MAZ: variants seen among roughly 807,000 people sequenced by gnomAD.
MAZ encodes MYC associated zinc finger protein.
In MAZ, 4 loss-of-function variants were observed where a neutral mutation model predicts 32.7. The observed-to-expected ratio is 0.12, with a 90% CI of 0.06 to 0.28. MAZ has a LOEUF of 0.28. MAZ is among the 10% of genes least tolerant of loss of function. The pLI is 1.00. For synonymous variants in MAZ, 510 were observed against 297.6 expected (o/e 1.71, Z -7.35); for missense variants, 763 against 667.2 (o/e 1.14, Z -1.58).
rs1899695588 is a variant in MAZ, at chr16:29,808,559, C to T, written c.1108-11C>T. On this transcript the variant is annotated splice_polypyrimidine_tract_variant and intron_variant, in intron 3 of 4. Coordinates refer to ENST00000322945, the MANE Select transcript of MAZ (RefSeq NM_002383.4). ...CCTGTGACACCCCCCACGCCCCTCC[C>T]CCCTCCTCAGAAATGTGAGGCAGCT... 3.7e-6 allele frequency: 6 copies of T among 1,602,242 alleles called. No homozygotes were observed. In the East Asian group the frequency reaches 6.7e-5, roughly 18 times the overall value.
In MAZ at chr16:29,810,364, A is replaced by G. The variant is rs1333246765; in HGVS notation, c.*133A>G. The G allele has an allele frequency of 6.2e-6, 6 of 968,308 alleles. No individual in the cohort carries two copies. The highest frequency in any genetic ancestry group is 9.6e-6 in the Non-Finnish European group (6 of 626,222). The allele number at this position is 968,308 out of a possible 1,614,324, so 60.0% of individuals were successfully genotyped here. ...AGCCTCCAGAAGGAAAGGAGGAAGAAATGTTTTCTTAGGGGAATTCGCTAG... is the reference window on the plus strand; with the variant it reads ...AGCCTCCAGAAGGAAAGGAGGAAGAGATGTTTTCTTAGGGGAATTCGCTAG... On this transcript the variant is annotated 3_prime_UTR_variant, in exon 5 of 5. Coordinates refer to ENST00000322945, the MANE Select transcript of MAZ (RefSeq NM_002383.4).
chr16:29,809,800 G>A, intron 4 of MAZ: 7 of 1,159,122 alleles, frequency 6.0e-6, no homozygotes, highest in Non-Finnish European at 8.2e-6. Context: ...GCGGGATGGG[G>A]GGTGTGGGGG....
At chr16:29,806,151 C>T, upstream of MAZ, 1 of 1,272,302 alleles carries the variant, frequency 7.9e-7, no homozygotes, top group Non-Finnish European at 1.0e-6. Context: ...CGCCATGGAT[C>T]CCAGCAACTG....
At chr16:29,808,420 C>G (rs1488145503) in intron 3 of MAZ, 127 bp downstream of exon 3, 2 of 1,074,004 alleles carry the variant, frequency 1.9e-6, no homozygotes, top group Non-Finnish European at 2.8e-6. Flanking sequence ...TTTTCTCATC[C>G]CTTCTTCAAG....
At position 29,807,575 on chromosome 16, in the gene MAZ, G is replaced by A. The variant is rs1379848933; in HGVS notation, c.790G>A (p.Gly264Ser). The A allele has an allele frequency of 1.2e-6, 2 of 1,609,414 alleles. No homozygotes were observed. Among genetic ancestry groups the A allele is most frequent in the Non-Finnish European group, 8.5e-7 (1 of 1,178,280 alleles). Reference sequence around the variant, plus strand: ...CGGCGCTGCCGCAGTGGCCGCCGGTGGCGTGGTGACCACGACCGCCTCGGG... The same window carrying A: ...CGGCGCTGCCGCAGTGGCCGCCGGTAGCGTGGTGACCACGACCGCCTCGGG... ...GGGAAAVAAG[G>S]VVTTTASGKR... Residue 264 changes from glycine to serine, a missense_variant, in exon 2 of 5, where the codon GGC becomes AGC. Physicochemically the swap from Gly to Ser is moderately conservative, Grantham distance 56. Coordinates refer to ENST00000322945, the MANE Select transcript of MAZ (RefSeq NM_002383.4).
intron 4 of MAZ, chr16:29,809,127 A>C: frequency 2.0e-6 from 1 of 509,924 alleles, no homozygotes. Flanking sequence ...CTTTACCAGC[A>C]CGCACCCTGC....
In MAZ at chr16:29,810,640, G is replaced by A. The variant is rs1011114388; in HGVS notation, c.*409G>A. ...CCCCTGCTGTCTGCAGCCCCTCCCC[G>A]GGGAGTTGGTGCTTTCTTTTCCTTT... On this transcript the variant is annotated 3_prime_UTR_variant, in exon 5 of 5. Transcript: ENST00000322945. 1.8e-5 allele frequency: 11 copies of A among 607,504 alleles called. No homozygotes were observed. Among genetic ancestry groups the A allele is most frequent in the South Asian group, 3.5e-5 (2 of 56,420 alleles). The allele number at this position is 607,504 out of a possible 1,614,324, so 37.6% of individuals were successfully genotyped here.
chr16:29,807,179 GCGCCCCCTC>G lies in MAZ; in HGVS notation c.399_407del (p.Pro137_Pro139del), dbSNP rs762705565. On this transcript the variant is annotated inframe_deletion, in exon 2 of 5. Coordinates refer to ENST00000322945, the MANE Select transcript of MAZ (RefSeq NM_002383.4). ...CACAGCGGCCCTGAAGCAGCCTCCG[GCGCCCCCTC>G]CGCCACCCCCGCCAGTGTCGGCGCC... The G allele has an allele frequency of 3.4e-4, 388 of 1,129,210 alleles. No homozygotes were observed. In the African/African-American group the frequency reaches 3.9e-3, roughly 11 times the overall value. The allele number at this position is 1,129,210 out of a possible 1,614,324, so 69.9% of individuals were successfully genotyped here. A position where few individuals can be genotyped will look rare whatever the true frequency, so the allele number is the denominator to read the frequency against.
Position 29,810,662 on chromosome 16 carries a change from CTT to C in MAZ, c.*444_*445del, listed in dbSNP as rs71650270. ...CCCGGGGAGTTGGTGCTTTCTTTTCCTTTTTTTTTTTTTTCCAGGGGGAGGGA... is the reference window on the plus strand; with the variant it reads ...CCCGGGGAGTTGGTGCTTTCTTTTCCTTTTTTTTTTTTCCAGGGGGAGGGA... On this transcript the variant is annotated 3_prime_UTR_variant, in exon 5 of 5. Transcript: ENST00000322945. The C allele has an allele frequency of 8.5e-3, 3,566 of 421,476 alleles. No homozygotes were observed. Among genetic ancestry groups the C allele is most frequent in the East Asian group, 0.015 (312 of 20,824 alleles). The allele number at this position is 421,476 out of a possible 1,614,324, so 26.1% of individuals were successfully genotyped here.
At chr16:29,806,156 C>A (rs1168436360), upstream of MAZ, 5 of 1,297,614 alleles carry the variant, frequency 3.9e-6, no homozygotes, top group Non-Finnish European at 5.1e-6. Context: ...TGGATCCCAG[C>A]AACTGGAGCA....
intron 2 of MAZ, 59 bp from the exon 3 acceptor site, chr16:29,808,171 G>C: frequency 6.9e-7 from 1 of 1,459,642 alleles, no homozygotes; most frequent in Non-Finnish European, 9.6e-7. Context: ...CTGTGGTGCG[G>C]TTTGGTGGAT....
In MAZ at chr16:29,806,923, C is replaced by CT. The variant is rs763758729; in HGVS notation, c.192+31dup. On this transcript the variant is annotated intron_variant, in intron 1 of 4. Transcript: ENST00000322945. ...GTAGGGCCGGCCGCGGCGGCCCGGG[C>CT]TGGGGGGGGACGCCCGCCCGCACCC... The CT allele has an allele frequency of 8.0e-6, 10 of 1,256,598 alleles. No individual in the cohort carries two copies. The African/African-American group carries it at 1.1e-4, about 14-fold the overall frequency. The allele number at this position is 1,256,598 out of a possible 1,614,324, so 77.8% of individuals were successfully genotyped here. A position where few individuals can be genotyped will look rare whatever the true frequency, so the allele number is the denominator to read the frequency against.
chr16:29,808,178 G>A (rs2142399958), intron 2 of MAZ, 52 bp from the exon 3 acceptor site: 2 of 1,509,730 alleles, frequency 1.3e-6, no homozygotes, highest in East Asian at 2.3e-5. Flanking sequence ...GCGGTTTGGT[G>A]GATTTGGGGC....
At chr16:29,809,946 GGCCTC>G in intron 4 of MAZ, 126 bp from the exon 5 acceptor site, 1 of 1,430,022 alleles carries the variant, frequency 7.0e-7, no homozygotes, top group Non-Finnish European at 9.5e-7. Context: ...TGCAGGCTGA[GGCCTC>G]TGGGGTCCAG....
At position 29,808,588 on chromosome 16, in the gene MAZ, G is replaced by A. The variant is rs1469646626; in HGVS notation, c.1126G>A (p.Ala376Thr). 6.2e-7 allele frequency: 1 copy of A among 1,609,180 alleles called. No homozygotes were observed. Among genetic ancestry groups the A allele is most frequent in the East Asian group, 2.2e-5 (1 of 44,752 alleles). Reference protein sequence around the residue: ...FKCEKCEAAFATKDRLRAHTV... With the variant: ...FKCEKCEAAFTTKDRLRAHTV... ...TCCTCAGAAATGTGAGGCAGCTTTC[G>A]CCACGAAGGATCGGCTGCGGGCGCA... The change falls in exon 4 of 5, where the codon GCC becomes ACC. Residue 376 changes from alanine to threonine, a missense_variant. Ala to Thr is a moderately conservative substitution (Grantham distance 58). Transcript: ENST00000322945.
At chr16:29,809,263 C>T in intron 4 of MAZ, 1 of 545,010 alleles carries the variant, frequency 1.8e-6, no homozygotes, top group South Asian at 2.4e-5. Context: ...GGCTAGGAGT[C>T]AGTGTCTCGT....
upstream of MAZ, chr16:29,806,221 C>T: frequency 3.2e-6 from 1 of 315,658 alleles, no homozygotes; most frequent in Non-Finnish European, 5.2e-6. Context: ...CCTGCCCACA[C>T]CCCCTCCTGC....
At chr16:29,806,190 C>T (rs746099720), upstream of MAZ, 6 of 430,588 alleles carry the variant, frequency 1.4e-5, no homozygotes, top group South Asian at 1.0e-4. Context: ...GGTAACAACT[C>T]CCTCCCCCCG....
In MAZ at chr16:29,810,390, G is replaced by C. The variant is rs1040953126; in HGVS notation, c.*159G>C. ...ATGTTTTCTTAGGGGAATTCGCTAG[G>C]TTTTAACGATTTGTTTCTCCTGCTC... On this transcript the variant is annotated 3_prime_UTR_variant, in exon 5 of 5. Transcript: ENST00000322945. 1.2e-6 allele frequency: 1 copy of C among 815,824 alleles called. No individual in the cohort carries two copies. Among genetic ancestry groups the C allele is most frequent in the Non-Finnish European group, 2.0e-6 (1 of 488,134 alleles). The allele number at this position is 815,824 out of a possible 1,614,324, so 50.5% of individuals were successfully genotyped here.
Sources: gnomAD v4.1 joint callset for allele counts on GRCh38, gnomAD v4.1.1 for gene constraint, MANE v1.5 for transcripts, NCBI Gene and HGNC (gene_info 2026-07-23, HGNC 2026-07-21) for gene names.